The following SIPA1L3 variants were observed in gnomAD, a reference collection of about 807,000 sequenced individuals.
SIPA1L3 encodes signal induced proliferation associated 1 like 3.
In SIPA1L3, 59 loss-of-function variants were observed where a neutral mutation model predicts 150.1. The observed-to-expected ratio is 0.39, with a 90% CI of 0.32 to 0.49. The LOEUF is 0.49. Ranked by LOEUF, SIPA1L3 falls within the 20% of genes least tolerant of loss-of-function variation. The pLI is 0.86. For missense variants in SIPA1L3, 2,211 were observed against 2,489.5 expected, an observed-to-expected ratio of 0.89 and a Z score of 2.38; for synonymous variants, 1,070 against 1,077.6, an observed-to-expected ratio of 0.99 and a Z score of 0.14.
chr19:38,071,235 A>ATCTATCTATCTATCTATCTGTCTG (rs1850359092), intron 2 of SIPA1L3, among the ~76,000 whole-genome samples: 2 of 151,540 alleles, frequency 1.3e-5, no homozygotes, highest in African/African-American at 4.9e-5. Context: ...CTATCTATCT[A>ATCTATCTATCTATCTATCTGTCTG]TCTATCTATC....
At chr19:38,097,365 T>TA (rs1280265027) in intron 4 of SIPA1L3, among the ~76,000 whole-genome samples, 3 of 151,808 alleles carry the variant, frequency 2.0e-5, no homozygotes, top group Non-Finnish European at 4.4e-5. Flanking sequence ...AAAAAAAGAA[T>TA]AAAAAAATAC....
chr19:38,037,188 T>C (rs1968811412), intron 2 of SIPA1L3, among the ~76,000 whole-genome samples: 1 of 152,200 alleles, frequency 6.6e-6, no homozygotes. Flanking sequence ...TGTGTGATTA[T>C]GTCTGCACTA....
chr19:38,201,121 C>T (rs1973079091), intron 19 of SIPA1L3, among the ~76,000 whole-genome samples: 1 of 152,208 alleles, frequency 6.6e-6, no homozygotes, highest in South Asian at 2.1e-4. Flanking sequence ...ACACGGCACA[C>T]AGGGACGCCT....
chr19:38,203,475 C>T (rs567948328), intron 20 of SIPA1L3, among the ~76,000 whole-genome samples: 8 of 151,818 alleles, frequency 5.3e-5, no homozygotes, highest in East Asian at 1.9e-4. Flanking sequence ...TTCTCTGCAG[C>T]GGCCAGGCAG....
intron 1 of SIPA1L3, among the ~76,000 whole-genome samples, chr19:38,015,237 G>A (rs978238826): frequency 6.6e-6 from 1 of 152,144 alleles, no homozygotes; most frequent in Non-Finnish European, 1.5e-5. Flanking sequence ...TAGTGGAAAC[G>A]CTGCACAAAA....
chr19:38,050,003 C>T (rs1351783940), intron 2 of SIPA1L3, among the ~76,000 whole-genome samples: 3 of 152,118 alleles, frequency 2.0e-5, no homozygotes, highest in South Asian at 2.1e-4. Context: ...ATTCTGGAGC[C>T]GGTGACCTGC....
intron 1 of SIPA1L3, among the ~76,000 whole-genome samples, chr19:37,927,325 A>AT (rs1011109357): frequency 6.6e-5 from 10 of 151,516 alleles, no homozygotes; most frequent in Admixed American, 6.6e-4. Context: ...ACTTTTTTGT[A>AT]TTTTTTAGTA....
At chr19:38,188,809 G>C (rs574579007) in intron 16 of SIPA1L3, among the ~76,000 whole-genome samples, 3 of 151,778 alleles carry the variant, frequency 2.0e-5, no homozygotes, top group Non-Finnish European at 4.4e-5. Flanking sequence ...TGTAGTCCCA[G>C]CTACTCTGGA....
chr19:37,986,828 G>A (rs1322150041), intron 1 of SIPA1L3, among the ~76,000 whole-genome samples: 1 of 152,168 alleles, frequency 6.6e-6, no homozygotes, highest in Non-Finnish European at 1.5e-5. Context: ...GAATTCAGGG[G>A]CATTCACAAT....
intron 1 of SIPA1L3, among the ~76,000 whole-genome samples, chr19:37,966,171 A>G (rs1420213562): frequency 1.3e-5 from 2 of 152,138 alleles, no homozygotes; most frequent in East Asian, 1.9e-4. Flanking sequence ...AATGCTGCCC[A>G]CTGCAGCCTT....
At chr19:37,978,876 G>A (rs1967135144) in intron 1 of SIPA1L3, among the ~76,000 whole-genome samples, 1 of 152,234 alleles carries the variant, frequency 6.6e-6, no homozygotes, top group East Asian at 1.9e-4. Flanking sequence ...TCGGGAGGCT[G>A]AGGTGGGAGG....
At chr19:38,174,074 T>C (rs1377741558) in intron 15 of SIPA1L3, among the ~76,000 whole-genome samples, 1 of 151,994 alleles carries the variant, frequency 6.6e-6, no homozygotes, top group Non-Finnish European at 1.5e-5. Flanking sequence ...TCTCTGGCTG[T>C]GTGCTGAGGC....
intron 1 of SIPA1L3, among the ~76,000 whole-genome samples, chr19:37,970,357 G>A (rs1599852805): frequency 6.6e-6 from 1 of 152,154 alleles, no homozygotes; most frequent in Non-Finnish European, 1.5e-5. Flanking sequence ...GGAGTACTAC[G>A]ATTAACACAC....
rs531839448 is a variant in SIPA1L3 at position 38,198,446 on chromosome 19, G to A, written c.4898G>A (p.Arg1633His). Residue 1633 changes from arginine (R) to histidine (H), a missense_variant, in exon 19 of 22, where the codon CGC (arginine) becomes CAC (histidine). Physicochemically the swap from Arg to His is conservative, Grantham distance 29. This residue lies in a region of SIPA1L3 where 806 missense variants were observed against 870.1 expected (regional missense o/e 0.93). Coordinates refer to ENST00000222345, the MANE Select transcript of SIPA1L3 (RefSeq NM_015073.3). ...GATGGGCGGGACCGCCCCCTGCGGC[G>A]CCTGGACCCTGGGCTGATGCCCCTG... ...LADGRDRPLR[R>H]LDPGLMPLPD... 1.7e-5 allele frequency: 27 copies of A among 1,604,274 alleles called. No homozygotes were observed. The East Asian group carries it at 1.8e-4, about 11-fold the overall frequency.
chr19:38,172,044 G>T (rs1051561938), intron 15 of SIPA1L3, among the ~76,000 whole-genome samples: 92 of 152,302 alleles, frequency 6.0e-4, no homozygotes, highest in Non-Finnish European at 1.0e-3. Flanking sequence ...GTGGATTTGT[G>T]TTCCAAAATA....
intron 9 of SIPA1L3, among the ~76,000 whole-genome samples, chr19:38,129,384 G>C (rs943673344): frequency 6.6e-6 from 1 of 152,092 alleles, no homozygotes; most frequent in African/African-American, 2.4e-5. Context: ...CCAGCACTTT[G>C]GGAGGCCGAG....
intron 15 of SIPA1L3, among the ~76,000 whole-genome samples, chr19:38,168,339 A>G (rs1190529965): frequency 6.6e-6 from 1 of 152,090 alleles, no homozygotes; most frequent in Non-Finnish European, 1.5e-5. Context: ...GTGAGCCAAG[A>G]CTGCACCACT....
intron 8 of SIPA1L3, among the ~76,000 whole-genome samples, chr19:38,116,044 G>A (rs536311678): frequency 6.8e-4 from 104 of 152,294 alleles, no homozygotes; most frequent in African/African-American, 2.5e-3. Flanking sequence ...GAGTTTCATG[G>A]AGTGTTTTTA....
intron 2 of SIPA1L3, among the ~76,000 whole-genome samples, chr19:38,034,523 G>A (rs771179691): frequency 1.3e-5 from 2 of 151,690 alleles, no homozygotes; most frequent in Admixed American, 6.6e-5. Context: ...AGGTCCGGGG[G>A]TGCGGGGGGT....
Sources: allele counts gnomAD v4.1 joint callset (sites outside exome capture counted in the v4.1 genomes callset), GRCh38; gene constraint gnomAD v4.1.1; regional missense constraint gnomAD v4.1.1; transcripts MANE v1.5; gene names NCBI Gene and HGNC (gene_info 2026-07-23, HGNC 2026-07-21).